MERTK: variants seen among roughly 807,000 people sequenced by gnomAD.
The protein encoded by MERTK is tyrosine-protein kinase Mer.
Under a neutral mutation model 99.3 loss-of-function variants are expected in MERTK, and 69 were observed. The observed-to-expected ratio is 0.70, with a 90% CI of 0.57 to 0.85. MERTK has a LOEUF of 0.85. Ranked by LOEUF, MERTK falls within the 40% of genes least tolerant of loss-of-function variation. The pLI is 0.00. For synonymous variants in MERTK, 426 were observed against 467.6 expected (o/e 0.91, Z 1.15); for missense variants, 1,125 against 1,249.4 (o/e 0.90, Z 1.50).
chr2:111,963,669 G>A (rs562536909), intron 4 of MERTK, among the ~76,000 whole-genome samples: 99 of 152,320 alleles, frequency 6.5e-4, no homozygotes, highest in African/African-American at 2.3e-3. Flanking sequence ...CAGGGAGCAC[G>A]GGGTTGGGGG....
chr2:111,987,856 G>A (rs1406484618), intron 8 of MERTK, among the ~76,000 whole-genome samples: 1 of 152,096 alleles, frequency 6.6e-6, no homozygotes, highest in Non-Finnish European at 1.5e-5. Context: ...TATACGTGCG[G>A]TTTTTATGGA....
intron 4 of MERTK, among the ~76,000 whole-genome samples, chr2:111,954,735 T>C (rs1180168280): frequency 1.3e-5 from 2 of 152,144 alleles, no homozygotes; most frequent in Admixed American, 1.3e-4. Context: ...TTAATGTCCA[T>C]TCTGTAGACC....
rs563259286 is a variant in MERTK, at chr2:112,015,127, A to G, written c.2080-4286A>G. Among the ~76,000 whole-genome samples, 9 of 152,292 alleles carry G rather than the reference A, an allele frequency of 5.9e-5. No individual in the cohort carries two copies. In the East Asian group the frequency reaches 1.7e-3, roughly 29 times the overall value. On this transcript the variant is annotated intron_variant, in intron 15 of 18. Transcript: ENST00000295408. ...TTGTTTCTAGGTTTTAGCAATCATG[A>G]ATGAGACTGCTATAAAATTCATGTA...
chr2:112,015,540 C>T (rs1317318622), intron 15 of MERTK, among the ~76,000 whole-genome samples: 8 of 152,032 alleles, frequency 5.3e-5, no homozygotes, highest in South Asian at 2.1e-4. Flanking sequence ...TTGATTTTCT[C>T]GTCATATTTT....
At position 111,911,689 on chromosome 2, in the gene MERTK, C is replaced by CTT. The variant is rs34867670; in HGVS notation, c.61+12919_61+12920dup. On this transcript the variant is annotated intron_variant, in intron 1 of 18. Coordinates refer to ENST00000295408, the MANE Select transcript of MERTK (RefSeq NM_006343.3). ...ACAGGCATGAGCCATAGCGCCCAGC[C>CTT]TTTTTTTTTTTTTTTTTTTTTTTTT... 8.7e-3 allele frequency among the ~76,000 whole-genome samples: 504 copies of CTT among 57,748 alleles called. 87 individuals are homozygous for CTT. The highest frequency in any genetic ancestry group is 0.037 in the African/African-American group (473 of 12,660). 37.9% of individuals were successfully genotyped at this position (57,748 alleles called of 152,430 possible).
At chr2:111,991,678 ATTTTCC>A (rs1676619727) in intron 8 of MERTK, among the ~76,000 whole-genome samples, 1 of 152,024 alleles carries the variant, frequency 6.6e-6, no homozygotes, top group South Asian at 2.1e-4. Context: ...TAACGGTCAT[ATTTTCC>A]CTTTCATCCC....
intron 11 of MERTK, 132 bp downstream of exon 11, chr2:112,001,418 T>A: frequency 1.3e-6 from 1 of 783,402 alleles, no homozygotes; most frequent in African/African-American, 1.7e-5. Flanking sequence ...ACAAAATGTC[T>A]TTAAAAGCAG....
At chr2:111,978,043 A>G (rs1573615304) in intron 7 of MERTK, among the ~76,000 whole-genome samples, 2 of 151,688 alleles carry the variant, frequency 1.3e-5, no homozygotes, top group South Asian at 4.2e-4. Flanking sequence ...GGCTTAAGCA[A>G]TTCTCCCACC....
chr2:111,965,897 C>T (rs950611396), intron 5 of MERTK, among the ~76,000 whole-genome samples: 4 of 152,120 alleles, frequency 2.6e-5, no homozygotes, highest in African/African-American at 7.2e-5. Flanking sequence ...CTTGCTTGGC[C>T]GTGAGTTATG....
At chr2:111,935,803 TATAA>T (rs1444161346) in intron 2 of MERTK, among the ~76,000 whole-genome samples, 3 of 152,166 alleles carry the variant, frequency 2.0e-5, no homozygotes, top group African/African-American at 7.2e-5. Flanking sequence ...TCCAATTATA[TATAA>T]ATAAATTAAA....
intron 15 of MERTK, among the ~76,000 whole-genome samples, chr2:112,018,839 A>G (rs935141496): frequency 1.3e-5 from 2 of 152,210 alleles, no homozygotes; most frequent in African/African-American, 4.8e-5. Flanking sequence ...AAATTCCTGA[A>G]TATGTACTTG....
At chr2:112,010,992 A>G (rs1677088644) in intron 15 of MERTK, among the ~76,000 whole-genome samples, 1 of 152,172 alleles carries the variant, frequency 6.6e-6, no homozygotes, top group Non-Finnish European at 1.5e-5. Context: ...ACTCCAGATC[A>G]TCACTGCCCT....
At chr2:111,956,622 A>G (rs763358478) in intron 4 of MERTK, among the ~76,000 whole-genome samples, 48 of 152,302 alleles carry the variant, frequency 3.2e-4, no homozygotes, top group Middle Eastern at 6.8e-3. Flanking sequence ...GTAAAGAATT[A>G]CTTTGAATCA....
intron 8 of MERTK, among the ~76,000 whole-genome samples, chr2:111,992,375 A>C (rs1676638215): frequency 1.1e-5 from 1 of 93,626 alleles, no homozygotes; most frequent in Non-Finnish European, 2.3e-5. Flanking sequence ...TGGTGCACCC[A>C]GGGCGGGCAT....
intron 1 of MERTK, among the ~76,000 whole-genome samples, chr2:111,923,672 A>C (rs565825873): frequency 1.2e-4 from 18 of 152,298 alleles, no homozygotes; most frequent in African/African-American, 4.1e-4. Context: ...TTACAACCAG[A>C]GGCACCCCAC....
intron 1 of MERTK, among the ~76,000 whole-genome samples, chr2:111,916,011 C>T (rs557884677): frequency 6.6e-6 from 1 of 152,276 alleles, no homozygotes. Context: ...TATATGATTT[C>T]AGTTATTTTT....
intron 6 of MERTK, among the ~76,000 whole-genome samples, chr2:111,971,032 G>C (rs2104729341): frequency 6.6e-6 from 1 of 152,090 alleles, no homozygotes; most frequent in Non-Finnish European, 1.5e-5. Flanking sequence ...ATTACTTCTT[G>C]AGTCAGCTTT....
chr2:111,962,261 G>A (rs538537075), intron 4 of MERTK, among the ~76,000 whole-genome samples: 37 of 152,220 alleles, frequency 2.4e-4, no homozygotes, highest in African/African-American at 4.1e-4. Context: ...TAATCCTAGC[G>A]TTTTAGGAGG....
intron 1 of MERTK, among the ~76,000 whole-genome samples, chr2:111,928,463 A>G (rs902492919): frequency 3.3e-5 from 5 of 150,356 alleles, no homozygotes; most frequent in African/African-American, 1.2e-4. Flanking sequence ...TTTGCAGCAT[A>G]GTCTCTGACA....
Sources: gnomAD v4.1 joint callset for allele counts (sites outside exome capture counted in the v4.1 genomes callset) on GRCh38, gnomAD v4.1.1 for gene constraint, MANE v1.5 for transcripts, NCBI Gene and HGNC (gene_info 2026-07-23, HGNC 2026-07-21) for gene names.